Variants in CA10 observed in about 807,000 individuals in gnomAD.
CA10 encodes the protein carbonic anhydrase 10 (inactive), also known as carbonic anhydrase-related protein 10.
Under a neutral mutation model 44.2 loss-of-function variants are expected in CA10, and 14 were observed. The ratio of observed to expected loss-of-function variants is 0.32; its 90% CI spans 0.21 to 0.50. CA10 has a LOEUF of 0.50. Among genes scored for constraint, CA10 ranks in the 20% least tolerant of loss-of-function variants. The pLI is 0.99. For synonymous variants in CA10, 159 were observed against 141.6 expected (o/e 1.12, Z -0.87); for missense variants, 350 against 409.7 (o/e 0.85, Z 1.26).
intron 4 of CA10, among the ~76,000 whole-genome samples, chr17:51,712,360 T>C (rs938688924): frequency 1.3e-5 from 2 of 152,194 alleles, no homozygotes; most frequent in Admixed American, 1.3e-4. Flanking sequence ...ATCTTTAAAA[T>C]AGGGAAAAAT....
At chr17:52,088,268 T>C (rs1390326755) in intron 1 of CA10, among the ~76,000 whole-genome samples, 1 of 152,222 alleles carries the variant, frequency 6.6e-6, no homozygotes, top group Non-Finnish European at 1.5e-5. Context: ...GAATTAGTTG[T>C]CAGCTAAACA....
In CA10 at chr17:51,942,538, T is replaced by TTATA. The variant is rs10549926; in HGVS notation, c.137-11410_137-11407dup. Among the ~76,000 whole-genome samples, 35 of 135,230 alleles carry TTATA rather than the reference T, an allele frequency of 2.6e-4. 3 individuals are homozygous for TTATA. The highest frequency in any genetic ancestry group is 8.5e-4 in the South Asian group (3 of 3,522). 88.7% of individuals were successfully genotyped at this position (135,230 alleles called of 152,430 possible). A position where few individuals can be genotyped will look rare whatever the true frequency, so the allele number is the denominator to read the frequency against. On this transcript the variant is annotated intron_variant, in intron 2 of 8. Transcript: ENST00000451037. ...AGCCAGGAAGGAAATCTTGCAGGCA[T>TTATA]TATATATATATATATATCTGTCATC...
At chr17:51,999,532 C>T in intron 2 of CA10, among the ~76,000 whole-genome samples, 1 of 151,996 alleles carries the variant, frequency 6.6e-6, no homozygotes, top group East Asian at 1.9e-4. Flanking sequence ...AGCCTTGTCA[C>T]TTTTCTGCCA....
At chr17:51,848,244 C>G (rs930839248) in intron 3 of CA10, among the ~76,000 whole-genome samples, 2 of 152,208 alleles carry the variant, frequency 1.3e-5, no homozygotes, top group Non-Finnish European at 2.9e-5. Flanking sequence ...CATTCAGATT[C>G]TGTCTTGAAT....
At chr17:51,850,830 A>G (rs1037739113) in intron 3 of CA10, among the ~76,000 whole-genome samples, 1 of 152,162 alleles carries the variant, frequency 6.6e-6, no homozygotes, top group Non-Finnish European at 1.5e-5. Context: ...GTTTCTTCCC[A>G]TAGAATCTTT....
intron 2 of CA10, among the ~76,000 whole-genome samples, chr17:51,977,173 C>T (rs1156991118): frequency 3.3e-5 from 5 of 151,882 alleles, no homozygotes; most frequent in East Asian, 3.9e-4. Context: ...TGGAAATCTT[C>T]GCATTTTATT....
chr17:52,130,151 T>C (rs1989201950), intron 1 of CA10, among the ~76,000 whole-genome samples: 1 of 152,180 alleles, frequency 6.6e-6, no homozygotes, highest in Non-Finnish European at 1.5e-5. Context: ...AGATGAAAGA[T>C]AACAAGTGTT....
intron 1 of CA10, among the ~76,000 whole-genome samples, chr17:52,126,763 C>T (rs1274586287): frequency 1.3e-5 from 2 of 152,066 alleles, no homozygotes; most frequent in Non-Finnish European, 2.9e-5. Context: ...ACCCATGAAA[C>T]TTAGGAATCA....
chr17:52,143,985 G>C (rs1989534252), intron 1 of CA10, among the ~76,000 whole-genome samples: 1 of 152,124 alleles, frequency 6.6e-6, no homozygotes, highest in African/African-American at 2.4e-5. Context: ...GCTCAGATCA[G>C]ATATATTTGA....
chr17:52,149,845 C>A (rs1211364802), intron 1 of CA10, among the ~76,000 whole-genome samples: 1 of 152,144 alleles, frequency 6.6e-6, no homozygotes, highest in Admixed American at 6.5e-5. Context: ...TAGAGCATAG[C>A]TGAACAAGAG....
chr17:51,767,110 A>T (rs1188261247), intron 3 of CA10, among the ~76,000 whole-genome samples: 2 of 152,240 alleles, frequency 1.3e-5, no homozygotes, highest in Non-Finnish European at 2.9e-5. Flanking sequence ...AGTTCATTTT[A>T]AATGTTCTCT....
In CA10 at chr17:51,765,630, G is replaced by T. The variant is rs142218835; in HGVS notation, c.280-17812C>A. Among the ~76,000 whole-genome samples the T allele has an allele frequency of 4.2e-3, 636 of 151,674 alleles. 2 individuals carry two copies. Among genetic ancestry groups the T allele is most frequent in the South Asian group, 9.2e-3 (44 of 4,796 alleles). ...CTCCATTTTAGTTGTAACCAAGAAG[G>T]CTGGTTATTCCTGAAACTTGGCATT... On this transcript the variant is annotated intron_variant, in intron 3 of 8. Transcript: ENST00000451037.
intron 1 of CA10, among the ~76,000 whole-genome samples, chr17:52,126,957 T>C (rs1438889850): frequency 6.6e-6 from 1 of 152,194 alleles, no homozygotes; most frequent in Non-Finnish European, 1.5e-5. Flanking sequence ...ATGTAGCAAA[T>C]AGAGGAGAGC....
chr17:52,109,465 A>T (rs2143279009), intron 1 of CA10, among the ~76,000 whole-genome samples: 1 of 152,328 alleles, frequency 6.6e-6, no homozygotes, highest in African/African-American at 2.4e-5. Flanking sequence ...ATTCAGTGTG[A>T]GTACCTTCCA....
At chr17:51,789,218 G>A (rs748534623) in intron 3 of CA10, among the ~76,000 whole-genome samples, 3 of 152,088 alleles carry the variant, frequency 2.0e-5, no homozygotes, top group Non-Finnish European at 2.9e-5. Context: ...GTTTCACCAC[G>A]TTGGTCAGGC....
intron 3 of CA10, among the ~76,000 whole-genome samples, chr17:51,805,001 G>T (rs1226999864): frequency 2.0e-5 from 3 of 152,168 alleles, no homozygotes; most frequent in Non-Finnish European, 4.4e-5. Context: ...GGGCTCCTCT[G>T]TGGGGCACCT....
chr17:51,800,920 A>G, intron 3 of CA10, among the ~76,000 whole-genome samples: 1 of 152,154 alleles, frequency 6.6e-6, no homozygotes, highest in East Asian at 1.9e-4. Context: ...GTGGGCCCAG[A>G]AGAAGTACTT....
At chr17:51,706,731 CT>C (rs1339762841) in intron 4 of CA10, among the ~76,000 whole-genome samples, 1 of 152,152 alleles carries the variant, frequency 6.6e-6, no homozygotes, top group Admixed American at 6.5e-5. Context: ...CATTAGCCAA[CT>C]TTTTTGATCC....
intron 1 of CA10, among the ~76,000 whole-genome samples, chr17:52,132,015 T>TG (rs1217678402): frequency 2.1e-5 from 3 of 143,080 alleles, no homozygotes; most frequent in African/African-American, 7.9e-5. Context: ...TGTTGTGGGG[T>TG]GGGGGAAAGG....
Sources: allele counts gnomAD v4.1 joint callset (sites outside exome capture counted in the v4.1 genomes callset), GRCh38; gene constraint gnomAD v4.1.1; transcripts MANE v1.5; gene names NCBI Gene and HGNC (gene_info 2026-07-23, HGNC 2026-07-21).